The following C1orf21 variants were observed in gnomAD, a reference collection of about 807,000 sequenced individuals.
The protein encoded by C1orf21 is uncharacterized protein C1orf21.
C1orf21 carries 3 observed loss-of-function variants against 18.7 expected under a neutral mutation model. That is an observed-to-expected ratio of 0.16 (90% CI 0.07 to 0.42). The LOEUF is 0.42. Among genes scored for constraint, C1orf21 ranks in the 10% least tolerant of loss-of-function variants. C1orf21 has a pLI of 0.99. For synonymous variants in C1orf21, 41 were observed against 46.4 expected (o/e 0.88, Z 0.47); for missense variants, 104 against 143.6 (o/e 0.72, Z 1.41).
intron 3 of C1orf21, among the ~76,000 whole-genome samples, chr1:184,512,922 C>T (rs1050571975): frequency 1.3e-5 from 2 of 152,214 alleles, no homozygotes; most frequent in African/African-American, 4.8e-5. Flanking sequence ...CTCACATTAC[C>T]ACCTGAGCTC....
chr1:184,597,272 C>T (rs2102001948), intron 4 of C1orf21, among the ~76,000 whole-genome samples: 1 of 152,262 alleles, frequency 6.6e-6, no homozygotes, highest in East Asian at 1.9e-4. Context: ...CAGATATGTA[C>T]ATTGTTTTCC....
Position 184,477,659 on chromosome 1 carries a change from TTTA to T in C1orf21, c.94+59_94+61del, listed in dbSNP as rs1306243705. The T allele has an allele frequency of 2.9e-6, 4 of 1,361,252 alleles. No individual in the cohort carries two copies. In the African/African-American group the frequency reaches 5.8e-5, roughly 20 times the overall value. The allele number at this position is 1,361,252 out of a possible 1,614,324, so 84.3% of individuals were successfully genotyped here. A position where few individuals can be genotyped will look rare whatever the true frequency, so the allele number is the denominator to read the frequency against. On this transcript the variant is annotated intron_variant, in intron 2 of 5. Coordinates refer to ENST00000235307, the MANE Select transcript of C1orf21 (RefSeq NM_030806.4). ...ATTGATTCTAGGCCTTTCACTTTTT[TTTA>T]TTGATACATAATATTTGTACATATT...
chr1:184,460,936 A>G (rs971978534), intron 1 of C1orf21, among the ~76,000 whole-genome samples: 2 of 151,808 alleles, frequency 1.3e-5, no homozygotes, highest in African/African-American at 4.8e-5. Flanking sequence ...TCACTGTTTG[A>G]CGTTGAGGAC....
chr1:184,567,607 G>C, intron 3 of C1orf21: 1 of 445,422 alleles, frequency 2.2e-6, no homozygotes, highest in Non-Finnish European at 4.5e-6. Flanking sequence ...TTCGTTGGTG[G>C]GGCAGGCAGT....
At position 184,536,426 on chromosome 1, in the gene C1orf21, A is replaced by T. The variant is rs569955066; in HGVS notation, c.189+28744A>T. 2.6e-5 allele frequency among the ~76,000 whole-genome samples: 4 copies of T among 152,214 alleles called. No homozygotes were observed. The East Asian group carries it at 7.8e-4, about 29-fold the overall frequency. ...GAGAAGGGAAAGGACCAAGGGGAAG[A>T]CACACCCCCTCCTTTAGAGGCATGA... On this transcript the variant is annotated intron_variant, in intron 3 of 5. Coordinates refer to ENST00000235307, the MANE Select transcript of C1orf21 (RefSeq NM_030806.4).
chr1:184,539,451 C>G (rs1300494350), intron 3 of C1orf21, among the ~76,000 whole-genome samples: 1 of 152,078 alleles, frequency 6.6e-6, no homozygotes, highest in African/African-American at 2.4e-5. Flanking sequence ...CTATAATTTT[C>G]TTTTCTGTAG....
rs1157015267 is a variant in C1orf21, at chr1:184,626,051, A to C, written c.*6495A>C. 1 of 152,170 alleles carries C rather than the reference A, an allele frequency of 6.6e-6. No individual in the cohort carries two copies. Among genetic ancestry groups the C allele is most frequent in the African/African-American group, 2.4e-5 (1 of 41,432 alleles). 9.4% of individuals were successfully genotyped at this position (152,170 alleles called of 1,614,324 possible). On this transcript the variant is annotated 3_prime_UTR_variant, in exon 6 of 6. Transcript: ENST00000235307. ...GGGGTCCCTTCATCTAGGTTGACCCAGGTATAGCATTTTTAGCATTGCCTT... is the reference window on the plus strand; with the variant it reads ...GGGGTCCCTTCATCTAGGTTGACCCCGGTATAGCATTTTTAGCATTGCCTT...
chr1:184,518,073 T>C (rs1490682878), intron 3 of C1orf21, among the ~76,000 whole-genome samples: 1 of 152,216 alleles, frequency 6.6e-6, no homozygotes, highest in Non-Finnish European at 1.5e-5. Context: ...TTCATTGATC[T>C]TGGAAGACTT....
intron 2 of C1orf21, among the ~76,000 whole-genome samples, chr1:184,496,085 A>G (rs755687720): frequency 3.3e-5 from 5 of 152,026 alleles, no homozygotes; most frequent in Non-Finnish European, 7.4e-5. Flanking sequence ...ATGTTAAAGG[A>G]GTGGCCCACT....
At chr1:184,426,269 C>T (rs901876995) in intron 1 of C1orf21, among the ~76,000 whole-genome samples, 1 of 152,250 alleles carries the variant, frequency 6.6e-6, no homozygotes, top group Non-Finnish European at 1.5e-5. Context: ...CTTCTACTTT[C>T]ATGATCAGTT....
rs565769709 is a variant in C1orf21, at chr1:184,622,424, G to A, written c.*2868G>A. ...TGCCTTATGTCCTCTGAGTTGTAGA[G>A]TTGTAAAAGTTCAGCAGTGTGTGCA... On this transcript the variant is annotated 3_prime_UTR_variant, in exon 6 of 6. Transcript: ENST00000235307. 1 of 152,754 alleles carries A rather than the reference G, an allele frequency of 6.5e-6. No individual in the cohort carries two copies. Among genetic ancestry groups the A allele is most frequent in the African/African-American group, 2.4e-5 (1 of 41,574 alleles). 9.5% of individuals were successfully genotyped at this position (152,754 alleles called of 1,614,324 possible).
chr1:184,390,547 G>C (rs1232510748), intron 1 of C1orf21, among the ~76,000 whole-genome samples: 1 of 152,112 alleles, frequency 6.6e-6, no homozygotes, highest in Non-Finnish European at 1.5e-5. Context: ...CAGAGATATT[G>C]GGTCGATCAG....
At chr1:184,490,106 G>A (rs1001172882) in intron 2 of C1orf21, among the ~76,000 whole-genome samples, 1 of 152,186 alleles carries the variant, frequency 6.6e-6, no homozygotes. Context: ...AGAAATGTTA[G>A]CCCAGGCATA....
At chr1:184,603,393 CTG>C (rs957057244) in intron 5 of C1orf21, among the ~76,000 whole-genome samples, 25 of 152,342 alleles carry the variant, frequency 1.6e-4, no homozygotes, top group African/African-American at 5.8e-4. Context: ...TCACATATTC[CTG>C]TGTGATCTTG....
chr1:184,396,610 C>G (rs1273886419), intron 1 of C1orf21, among the ~76,000 whole-genome samples: 2 of 152,082 alleles, frequency 1.3e-5, no homozygotes, highest in East Asian at 1.9e-4. Context: ...AAATTCTGGT[C>G]TATAATTCAG....
intron 3 of C1orf21, among the ~76,000 whole-genome samples, chr1:184,515,271 T>G (rs1229876923): frequency 1.3e-5 from 2 of 152,154 alleles, no homozygotes; most frequent in Non-Finnish European, 1.5e-5. Flanking sequence ...TTCAAGAAAA[T>G]ATGAGTATAT....
At position 184,477,439 on chromosome 1, in the gene C1orf21, G is replaced by GA. The variant is rs1382804419; in HGVS notation, c.-63dup. ...AAGGTGGATTTTCTTTGTGTTTAAA[G>GA]AAAAAAAATGTCCCTGTGTCTGTAG... On this transcript the variant is annotated 5_prime_UTR_variant, in exon 2 of 6. In the 5' UTR this introduces an upstream ATG that the reference lacks. Coordinates refer to ENST00000235307, the MANE Select transcript of C1orf21 (RefSeq NM_030806.4). The GA allele has an allele frequency of 2.5e-5, 33 of 1,324,232 alleles. No homozygotes were observed. Among genetic ancestry groups the GA allele is most frequent in the Non-Finnish European group, 3.1e-5 (29 of 945,082 alleles). The allele number at this position is 1,324,232 out of a possible 1,614,324, so 82.0% of individuals were successfully genotyped here.
chr1:184,511,243 T>C (rs1658139217), intron 3 of C1orf21, among the ~76,000 whole-genome samples: 1 of 152,174 alleles, frequency 6.6e-6, no homozygotes, highest in East Asian at 1.9e-4. Context: ...CATACAACAA[T>C]GTAATAAGTG....
At chr1:184,567,442 C>CT in intron 3 of C1orf21, 1 of 539,904 alleles carries the variant, frequency 1.9e-6, no homozygotes, top group Non-Finnish European at 3.8e-6. Context: ...CTCCAGATGC[C>CT]TTTTTCCAGA....
Sources: allele counts gnomAD v4.1 joint callset (sites outside exome capture counted in the v4.1 genomes callset), GRCh38; gene constraint gnomAD v4.1.1; transcripts MANE v1.5; gene names NCBI Gene and HGNC (gene_info 2026-07-23, HGNC 2026-07-21).